NTSR1: variants seen among roughly 807,000 people sequenced by gnomAD.
NTSR1 encodes the protein neurotensin receptor type 1.
Under a neutral mutation model 31.2 loss-of-function variants are expected in NTSR1, and 29 were observed. The observed-to-expected ratio is 0.93, with a 90% CI of 0.69 to 1.27. The LOEUF (loss-of-function observed/expected upper bound fraction) is 1.27. Ranked by LOEUF, NTSR1 falls within the 50% of genes most tolerant of loss-of-function variation. The pLI is 0.00. For missense variants in NTSR1, 697 were observed against 595.4 expected (o/e 1.17, Z -1.78); for synonymous variants, 282 against 269.9 (o/e 1.04, Z -0.44).
In NTSR1 at chr20:62,738,462, C is replaced by T. The variant is rs117049901; in HGVS notation, c.715-16223C>T. Among the ~76,000 whole-genome samples, 21 of 152,370 alleles carry T rather than the reference C, an allele frequency of 1.4e-4. 1 individual carries two copies. Among genetic ancestry groups the T allele is most frequent in the Non-Finnish European group, 2.2e-4 (15 of 68,042 alleles). On this transcript the variant is annotated intron_variant, in intron 1 of 3. Coordinates refer to ENST00000370501, the MANE Select transcript of NTSR1 (RefSeq NM_002531.3). ...CGTTTCCTAAAAAGGCCTCAGCTGC[C>T]GCTGCGTTCCTGCAGGGTGGAAGGA...
In NTSR1 at chr20:62,743,727, G is replaced by A. The variant is rs1273404528; in HGVS notation, c.715-10958G>A. Among the ~76,000 whole-genome samples, 1 of 152,238 alleles carries A rather than the reference G, an allele frequency of 6.6e-6. No individual in the cohort carries two copies. The highest frequency in any genetic ancestry group is 6.5e-5 in the Admixed American group (1 of 15,290). On this transcript the variant is annotated intron_variant, in intron 1 of 3. Coordinates refer to ENST00000370501, the MANE Select transcript of NTSR1 (RefSeq NM_002531.3). The surrounding 1 kb of genome is among the most constrained non-coding windows in gnomAD (Gnocchi z 7.5). The stretch of plus-strand genomic sequence containing the variant: ...CCGGGAAGCAGTGTGCCAGTCTGGG[G>A]CTGTCTCTTGATCTAAACACAATGG...
chr20:62,718,467 C>G (rs950614716), intron 1 of NTSR1, among the ~76,000 whole-genome samples: 1 of 152,204 alleles, frequency 6.6e-6, no homozygotes, highest in African/African-American at 2.4e-5. Flanking sequence ...CACCTATGAG[C>G]TTCGATAAAT....
In NTSR1 at chr20:62,745,852, C is replaced by T. The variant is rs182577581; in HGVS notation, c.715-8833C>T. On this transcript the variant is annotated intron_variant, in intron 1 of 3. Coordinates refer to ENST00000370501, the MANE Select transcript of NTSR1 (RefSeq NM_002531.3). This position sits in a 1 kb window ranked among gnomAD's most constrained non-coding sequence, Gnocchi z 4.1. ...CGGTCTGGGAGTCCCAGCCACCACGCGTCCCCCAGAATATTCATGGGGCTG... is the reference window on the plus strand; with the variant it reads ...CGGTCTGGGAGTCCCAGCCACCACGTGTCCCCCAGAATATTCATGGGGCTG... Among the ~76,000 whole-genome samples the T allele has an allele frequency of 9.7e-4, 148 of 152,322 alleles. No individual in the cohort carries two copies. The highest frequency in any genetic ancestry group is 1.3e-3 in the Non-Finnish European group (88 of 68,032).
intron 1 of NTSR1, among the ~76,000 whole-genome samples, chr20:62,734,942 G>A (rs1455211773): frequency 1.3e-5 from 2 of 152,198 alleles, no homozygotes; most frequent in African/African-American, 4.8e-5. Flanking sequence ...CCTCCCTGCT[G>A]ATGAGAAGCA....
chr20:62,758,403 C>A lies in NTSR1; in HGVS notation c.1007+47C>A. The A allele has an allele frequency of 6.5e-7, 1 of 1,536,740 alleles. No homozygotes were observed. Among genetic ancestry groups the A allele is most frequent in the South Asian group, 1.1e-5 (1 of 89,254 alleles). ...GTTGGGTGCTGGACAAGTAAGTGCT[C>A]CCAAAACAGATGGTGGGTGTGGCAG... On this transcript the variant is annotated intron_variant, in intron 3 of 3. Transcript: ENST00000370501. The surrounding 1 kb of genome is among the most constrained non-coding windows in gnomAD (Gnocchi z 4.5).
At chr20:62,747,179 C>CAG (rs1568708257) in intron 1 of NTSR1, among the ~76,000 whole-genome samples, 9 of 152,230 alleles carry the variant, frequency 5.9e-5, no homozygotes, top group Non-Finnish European at 1.3e-4. Flanking sequence ...AAGCATTTGA[C>CAG]AAAACTCAGC....
intron 1 of NTSR1, among the ~76,000 whole-genome samples, chr20:62,727,964 G>A (rs999121684): frequency 8.5e-5 from 13 of 152,266 alleles, no homozygotes; most frequent in Admixed American, 4.6e-4. Flanking sequence ...CACAGCAGAT[G>A]GTGCTGGGGA....
rs1314829054 is a variant in NTSR1, at chr20:62,761,001, C to T, written c.*734C>T. 2 of 152,524 alleles carry T rather than the reference C, an allele frequency of 1.3e-5. No homozygotes were observed. Among genetic ancestry groups the T allele is most frequent in the Non-Finnish European group, 2.9e-5 (2 of 68,268 alleles). 9.4% of individuals were successfully genotyped at this position (152,524 alleles called of 1,614,324 possible). A position where few individuals can be genotyped will look rare whatever the true frequency, so the allele number is the denominator to read the frequency against. ...CTCCTCCCTCCCATCCTCACCCAGG[C>T]CAAGGCCCAGGGGCTCTGCCAGGAC... On this transcript the variant is annotated 3_prime_UTR_variant, in exon 4 of 4. Transcript: ENST00000370501.
In NTSR1 at chr20:62,732,098, C is replaced by T. The variant is rs755860387; in HGVS notation, c.714+22177C>T. On this transcript the variant is annotated intron_variant, in intron 1 of 3. Coordinates refer to ENST00000370501, the MANE Select transcript of NTSR1 (RefSeq NM_002531.3). This position sits in a 1 kb window ranked among gnomAD's most constrained non-coding sequence, Gnocchi z 4.0. ...TTGTGTCACCATACTCCAGCCTGGG[C>T]GACAGAGTGAGACTCCATTTCAAAA... Among the ~76,000 whole-genome samples the T allele has an allele frequency of 6.7e-4, 96 of 143,782 alleles. 1 individual carries two copies. Among genetic ancestry groups the T allele is most frequent in the Non-Finnish European group, 6.3e-4 (42 of 66,692 alleles). 94.3% of individuals were successfully genotyped at this position (143,782 alleles called of 152,430 possible).
chr20:62,759,827 A>G (rs1989582840), intron 3 of NTSR1, among the ~76,000 whole-genome samples, 191 bp from the exon 4 acceptor site: 1 of 151,624 alleles, frequency 6.6e-6, no homozygotes, highest in South Asian at 2.1e-4. Flanking sequence ...CACGACGAGA[A>G]CTTGCAGCTG....
At chr20:62,727,888 T>C (rs1036049438) in intron 1 of NTSR1, among the ~76,000 whole-genome samples, 2 of 152,208 alleles carry the variant, frequency 1.3e-5, no homozygotes, top group African/African-American at 4.8e-5. Context: ...GGGACAGACC[T>C]GTGTTCCCGG....
intron 1 of NTSR1, among the ~76,000 whole-genome samples, chr20:62,754,187 G>A (rs2147147722): frequency 6.6e-6 from 1 of 152,292 alleles, no homozygotes; most frequent in African/African-American, 2.4e-5. Flanking sequence ...GGAGGAAGGG[G>A]CCTCTATTAG....
chr20:62,742,482 G>A lies in NTSR1; in HGVS notation c.715-12203G>A, dbSNP rs1600730078. Among the ~76,000 whole-genome samples, 1 of 149,586 alleles carries A rather than the reference G, an allele frequency of 6.7e-6. No homozygotes were observed. The highest frequency in any genetic ancestry group is 2.1e-4 in the South Asian group (1 of 4,754). On this transcript the variant is annotated intron_variant, in intron 1 of 3. Coordinates refer to ENST00000370501, the MANE Select transcript of NTSR1 (RefSeq NM_002531.3). This position sits in a 1 kb window ranked among gnomAD's most constrained non-coding sequence, Gnocchi z 7.1. ...TGGTACTGCTTAGATGCCTGGGAGG[G>A]AGGACCGAGGAAAGAGACTGGGGAC...
rs1419969836 is a variant in NTSR1 at position 62,742,765 on chromosome 20, C to A, written c.715-11920C>A. Reference sequence around the variant, plus strand: ...CGCTGGGCTGTGTCACCTTAAAGACCCCTTTGCTCTCTTGGCCCTGGCACC... The same window carrying A: ...CGCTGGGCTGTGTCACCTTAAAGACACCTTTGCTCTCTTGGCCCTGGCACC... On this transcript the variant is annotated intron_variant, in intron 1 of 3. Coordinates refer to ENST00000370501, the MANE Select transcript of NTSR1 (RefSeq NM_002531.3). This position sits in a 1 kb window ranked among gnomAD's most constrained non-coding sequence, Gnocchi z 7.1. 1.3e-5 allele frequency among the ~76,000 whole-genome samples: 2 copies of A among 149,032 alleles called. No individual in the cohort carries two copies. Among genetic ancestry groups the A allele is most frequent in the African/African-American group, 5.0e-5 (2 of 39,728 alleles).
At position 62,709,734 on chromosome 20, in the gene NTSR1, C is replaced by A; in HGVS notation, c.527C>A (p.Ala176Asp). 2 of 1,613,030 alleles carry A rather than the reference C, an allele frequency of 1.2e-6. No homozygotes were observed. The highest frequency in any genetic ancestry group is 1.7e-6 in the Non-Finnish European group (2 of 1,179,932). ...CTGGCCATCTGCCACCCCTTCAAGG[C>A]CAAGACCCTCATGTCCCGAAGCCGC... ...RYLAICHPFK[A>D]KTLMSRSRTK... is the part of the protein sequence containing the mutation. Residue 176 changes from alanine to aspartate, a missense_variant, in exon 1 of 4, where the codon GCC becomes GAC. Physicochemically the swap from Ala to Asp is moderately radical, Grantham distance 126. Coordinates refer to ENST00000370501, the MANE Select transcript of NTSR1 (RefSeq NM_002531.3).
rs1458266417 is a variant in NTSR1, at chr20:62,732,666, G to C, written c.715-22019G>C. The stretch of plus-strand genomic sequence containing the variant: ...GTGTTCATGAGACATCCTGGTCTGC[G>C]TTTTCCTTTCTTGTAACATCCTCGG... On this transcript the variant is annotated intron_variant, in intron 1 of 3. Coordinates refer to ENST00000370501, the MANE Select transcript of NTSR1 (RefSeq NM_002531.3). The surrounding 1 kb of genome is among the most constrained non-coding windows in gnomAD (Gnocchi z 4.0). 1 of 152,218 alleles carries C rather than the reference G, an allele frequency of 6.6e-6. No individual in the cohort carries two copies. Among genetic ancestry groups the C allele is most frequent in the African/African-American group, 2.4e-5 (1 of 41,436 alleles). 9.4% of individuals were successfully genotyped at this position (152,218 alleles called of 1,614,324 possible). A position where few individuals can be genotyped will look rare whatever the true frequency, so the allele number is the denominator to read the frequency against.
At chr20:62,754,654 C>A (rs1224443225) in intron 1 of NTSR1, 31 bp from the exon 2 acceptor site, 1 of 1,586,088 alleles carries the variant, frequency 6.3e-7, no homozygotes, top group Non-Finnish European at 8.6e-7. Flanking sequence ...CCGCTGCTGG[C>A]TCTGACAGCC....
At chr20:62,748,204 A>C (rs1298344607) in intron 1 of NTSR1, among the ~76,000 whole-genome samples, 4 of 151,902 alleles carry the variant, frequency 2.6e-5, no homozygotes, top group Admixed American at 2.6e-4. Flanking sequence ...AATCCCATTT[A>C]CAATAGCATC....
intron 1 of NTSR1, among the ~76,000 whole-genome samples, chr20:62,740,511 G>T (rs978210721): frequency 6.6e-6 from 1 of 152,194 alleles, no homozygotes; most frequent in African/African-American, 2.4e-5. Context: ...TAGGGTGAGC[G>T]GGAGACAGAT....
Sources: gnomAD v4.1 joint callset for allele counts (sites outside exome capture counted in the v4.1 genomes callset) on GRCh38, gnomAD v4.1.1 for gene constraint, Gnocchi (gnomAD v3.1) non-coding constraint, MANE v1.5 for transcripts, NCBI Gene and HGNC (gene_info 2026-07-23, HGNC 2026-07-21) for gene names.